HIPK2: variants seen among roughly 807,000 people sequenced by gnomAD.
HIPK2 encodes the protein homeodomain-interacting protein kinase 2.
HIPK2 carries 27 observed loss-of-function variants against 113.7 expected under a neutral mutation model. The ratio of observed to expected loss-of-function variants is 0.24; its 90% CI spans 0.17 to 0.33. The LOEUF is 0.33. HIPK2 is among the 10% of genes least tolerant of loss of function. HIPK2 has a pLI of 1.00. For synonymous variants in HIPK2, 631 were observed against 642.2 expected, an observed-to-expected ratio of 0.98 and a Z score of 0.26; for missense variants, 1,257 against 1,588.0, an observed-to-expected ratio of 0.79 and a Z score of 3.54.
intron 5 of HIPK2, among the ~76,000 whole-genome samples, chr7:139,627,667 AT>A (rs1412970386): frequency 3.9e-5 from 6 of 152,212 alleles, no homozygotes; most frequent in African/African-American, 1.2e-4. Flanking sequence ...CAGAATCATG[AT>A]TTTTGGTTAT....
intron 12 of HIPK2, among the ~76,000 whole-genome samples, chr7:139,588,672 G>A (rs965067985): frequency 6.6e-6 from 1 of 152,184 alleles, no homozygotes; most frequent in African/African-American, 2.4e-5. Context: ...GGAGATGCTG[G>A]AGGCTGAGGA....
chr7:139,770,273 C>A (rs1043877480), intron 1 of HIPK2, among the ~76,000 whole-genome samples: 1 of 152,110 alleles, frequency 6.6e-6, no homozygotes, highest in African/African-American at 2.4e-5. Context: ...ATCTCCCTGC[C>A]CTGTGACTTT....
At position 139,628,976 on chromosome 7, in the gene HIPK2, T is replaced by C; in HGVS notation, c.1411A>G (p.Asn471Asp). The C allele has an allele frequency of 6.3e-7, 1 of 1,596,136 alleles. No individual in the cohort carries two copies. The highest frequency in any genetic ancestry group is 8.5e-7 in the Non-Finnish European group (1 of 1,169,742). ...ACCTGGGCCATATCATCTAAACAGTTGAAAATGTACTTTCTTGCTTCTTTT... is the reference window on the plus strand; with the variant it reads ...ACCTGGGCCATATCATCTAAACAGTCGAAAATGTACTTTCTTGCTTCTTTT... ...KSKEARKYIF[N>D]CLDDMAQVNM... Residue 471 changes from asparagine to aspartate, a missense_variant, in exon 5 of 15, where the codon AAC becomes GAC. Physicochemically the swap from Asn to Asp is conservative, Grantham distance 23 (BLOSUM62 1). Coordinates refer to ENST00000406875, the MANE Select transcript of HIPK2 (RefSeq NM_022740.5).
intron 1 of HIPK2, among the ~76,000 whole-genome samples, chr7:139,764,510 T>G (rs1010159029): frequency 6.6e-6 from 1 of 152,192 alleles, no homozygotes; most frequent in Non-Finnish European, 1.5e-5. Flanking sequence ...GAAGGTGCCA[T>G]TTATGGAAAT....
intron 1 of HIPK2, among the ~76,000 whole-genome samples, chr7:139,765,018 C>T (rs1027814730): frequency 2.0e-5 from 3 of 151,978 alleles, no homozygotes; most frequent in African/African-American, 7.3e-5. Flanking sequence ...TGCTTGTAAT[C>T]CCAGCTAATC....
chr7:139,637,673 A>C (rs1800857549), intron 2 of HIPK2, among the ~76,000 whole-genome samples: 1 of 152,250 alleles, frequency 6.6e-6, no homozygotes, highest in Non-Finnish European at 1.5e-5. Context: ...CTATGAGGGC[A>C]GCGCAGGCAT....
chr7:139,672,951 G>A (rs1482404629), intron 2 of HIPK2, among the ~76,000 whole-genome samples: 1 of 152,028 alleles, frequency 6.6e-6, no homozygotes, highest in South Asian at 2.1e-4. Context: ...TATCCTCCTT[G>A]CAAAAAGTAA....
intron 13 of HIPK2, among the ~76,000 whole-genome samples, chr7:139,578,199 G>A (rs1798552500): frequency 6.6e-6 from 1 of 152,020 alleles, no homozygotes. Flanking sequence ...TAGTAGAGAC[G>A]GGGTTTCACC....
Position 139,631,591 on chromosome 7 carries a change from T to A in HIPK2, c.1227+11A>T, listed in dbSNP as rs376012861. 5 of 1,612,446 alleles carry A rather than the reference T, an allele frequency of 3.1e-6. No homozygotes were observed. Among genetic ancestry groups the A allele is most frequent in the Non-Finnish European group, 4.2e-6 (5 of 1,179,432 alleles). On this transcript the variant is annotated intron_variant, in intron 3 of 14. Transcript: ENST00000406875. The surrounding 1 kb of genome is among the most constrained non-coding windows in gnomAD (Gnocchi z 4.9). ...TGAGGTCTTGTGAATATCTGTGTCA[T>A]CTGGACCCACCTGATCATACTCCGA...
rs1384222257 is a variant in HIPK2, at chr7:139,614,352, C to T, written c.1924G>A (p.Ala642Thr). 12 of 1,582,864 alleles carry T rather than the reference C, an allele frequency of 7.6e-6. No individual in the cohort carries two copies. Among genetic ancestry groups the T allele is most frequent in the Non-Finnish European group, 1.0e-5 (12 of 1,159,676 alleles). Residue 642 changes from alanine to threonine, a missense_variant, in exon 8 of 15, where the codon GCC (alanine) becomes ACC (threonine). Physicochemically the swap from Ala to Thr is moderately conservative, Grantham distance 58. This residue lies in a region of HIPK2 where 862 missense variants were observed against 1,004.3 expected (regional missense o/e 0.86). Coordinates refer to ENST00000406875, the MANE Select transcript of HIPK2 (RefSeq NM_022740.5). ...QRSMPLQTGT[A>T]QICARPDPFQ... ...GGGTCAGGCCGGGCACAAATCTGGG[C>T]TGTTCCTGTCTGCAGGGGCATGCTC...
intron 1 of HIPK2, among the ~76,000 whole-genome samples, chr7:139,761,131 G>A (rs1796456810): frequency 2.0e-5 from 3 of 152,184 alleles, no homozygotes; most frequent in Admixed American, 2.0e-4. Flanking sequence ...GAAAGCATTA[G>A]CACAGATCCT....
Position 139,647,745 on chromosome 7 carries a change from T to TA in HIPK2, c.1104-16021dup, listed in dbSNP as rs546392483. Among the ~76,000 whole-genome samples the TA allele has an allele frequency of 8.6e-4, 131 of 152,024 alleles. 1 individual carries two copies. Among genetic ancestry groups the TA allele is most frequent in the African/African-American group, 3.0e-3 (125 of 41,448 alleles). On this transcript the variant is annotated intron_variant, in intron 2 of 14. Coordinates refer to ENST00000406875, the MANE Select transcript of HIPK2 (RefSeq NM_022740.5). ...GCTAGGGAGATTTTGAAAATTCAAT[T>TA]AAAAAAAACCCATAAGCAATTAAAC...
chr7:139,647,464 A>G (rs1034192296), intron 2 of HIPK2, among the ~76,000 whole-genome samples: 1 of 152,258 alleles, frequency 6.6e-6, no homozygotes, highest in Non-Finnish European at 1.5e-5. Context: ...TTTTAAGGAA[A>G]TAAGTGGCTC....
intron 2 of HIPK2, among the ~76,000 whole-genome samples, chr7:139,681,337 G>A (rs1052661013): frequency 1.3e-5 from 2 of 152,166 alleles, no homozygotes. Context: ...GGGAGAGGAG[G>A]GAGGACACAG....
chr7:139,596,728 G>C lies in HIPK2; in HGVS notation c.2706C>G (p.His902Gln), dbSNP rs1799227870. ...SDTDEEEEQK[H>Q]APTSTVSKQR... ...TGGCACTGCCTCACCTGGTGGGGGC[G>C]TGTTTCTGTTCCTCCTCCTCGTCCG... The change falls in exon 12 of 15, where the codon CAC becomes CAG. Residue 902 changes from histidine (H) to glutamine (Q), a missense_variant. Transcript: ENST00000406875. 11 of 1,610,080 alleles carry C rather than the reference G, an allele frequency of 6.8e-6. No individual in the cohort carries two copies. Among genetic ancestry groups the C allele is most frequent in the African/African-American group, 1.3e-5 (1 of 74,878 alleles).
rs377763109 is a variant in HIPK2, at chr7:139,691,944, C to T, written c.1103+23988G>A. 1.4e-4 allele frequency among the ~76,000 whole-genome samples: 22 copies of T among 152,206 alleles called. No individual in the cohort carries two copies. In the East Asian group the frequency reaches 3.9e-3, roughly 27 times the overall value. Reference sequence around the variant, plus strand: ...GGGGAATAGAAATATACGTGGTATACTTATTTCTCCTTTCAGGGAAGGTAT... The same window carrying T: ...GGGGAATAGAAATATACGTGGTATATTTATTTCTCCTTTCAGGGAAGGTAT... On this transcript the variant is annotated intron_variant, in intron 2 of 14. Coordinates refer to ENST00000406875, the MANE Select transcript of HIPK2 (RefSeq NM_022740.5).
chr7:139,715,366 T>C (rs1795193967), intron 2 of HIPK2, among the ~76,000 whole-genome samples: 1 of 152,214 alleles, frequency 6.6e-6, no homozygotes, highest in African/African-American at 2.4e-5. Flanking sequence ...TGCACGTGGA[T>C]AGACAAGGAA....
intron 2 of HIPK2, among the ~76,000 whole-genome samples, chr7:139,662,614 CCA>C (rs1237402665): frequency 6.8e-6 from 1 of 146,860 alleles, no homozygotes; most frequent in African/African-American, 2.5e-5. Context: ...TCCTAAAACA[CCA>C]CTTTTTTTTT....
chr7:139,676,598 C>T (rs1802502704), intron 2 of HIPK2, among the ~76,000 whole-genome samples: 1 of 152,104 alleles, frequency 6.6e-6, no homozygotes, highest in Admixed American at 6.6e-5. Context: ...ACAAACAGAT[C>T]TGTTTATTTG....
Sources: gnomAD v4.1 joint callset for allele counts (sites outside exome capture counted in the v4.1 genomes callset) on GRCh38, gnomAD v4.1.1 for gene constraint, gnomAD v4.1.1 regional missense constraint, Gnocchi (gnomAD v3.1) non-coding constraint, MANE v1.5 for transcripts, NCBI Gene and HGNC (gene_info 2026-07-23, HGNC 2026-07-21) for gene names.